EYS: variants seen among roughly 807,000 people sequenced by gnomAD.
EYS encodes protein eyes shut homolog.
EYS carries 250 observed loss-of-function variants against 282.1 expected under a neutral mutation model. That is an observed-to-expected ratio of 0.89 (90% CI 0.80 to 0.98). EYS has a LOEUF of 0.98. Ranked by LOEUF, EYS falls within the 50% of genes least tolerant of loss-of-function variation. The pLI is 0.00. For synonymous variants in EYS, 1,355 were observed against 1,282.9 expected, an observed-to-expected ratio of 1.06 and a Z score of -1.20; for missense variants, 4,016 against 3,709.0, an observed-to-expected ratio of 1.08 and a Z score of -2.15.
At chr6:65,675,683 G>C (rs1483961057) in intron 1 of EYS, among the ~76,000 whole-genome samples, 1 of 151,750 alleles carries the variant, frequency 6.6e-6, no homozygotes, top group African/African-American at 2.4e-5. Flanking sequence ...TTTAATTATG[G>C]ATAGAAAACC....
chr6:64,400,761 G>A (rs1023661516), intron 28 of EYS, among the ~76,000 whole-genome samples: 3 of 152,026 alleles, frequency 2.0e-5, no homozygotes, highest in East Asian at 1.9e-4. Flanking sequence ...GTGCTTTAAA[G>A]GTCAAATGAG....
chr6:64,540,090 C>G (rs531743891), intron 26 of EYS, among the ~76,000 whole-genome samples: 1 of 152,156 alleles, frequency 6.6e-6, no homozygotes, highest in Non-Finnish European at 1.5e-5. Flanking sequence ...AATGATTTTC[C>G]GGAGTCTGAG....
intron 19 of EYS, among the ~76,000 whole-genome samples, chr6:64,833,773 C>A (rs558366182): frequency 1.3e-5 from 2 of 151,704 alleles, no homozygotes; most frequent in African/African-American, 4.8e-5. Flanking sequence ...GCACTGAAAT[C>A]TTTCTTTTAT....
chr6:65,704,401 G>T (rs1769797482), intron 1 of EYS, among the ~76,000 whole-genome samples: 1 of 152,198 alleles, frequency 6.6e-6, no homozygotes, highest in South Asian at 2.1e-4. Flanking sequence ...TGACTTCAGA[G>T]CCCATGCTCG....
intron 33 of EYS, among the ~76,000 whole-genome samples, chr6:64,033,828 C>CTATATATATATATATATA (rs1491226014): frequency 4.7e-4 from 28 of 59,192 alleles, no homozygotes; most frequent in Middle Eastern, 8.9e-3. Flanking sequence ...AATGAGATTA[C>CTATATATATATATATATA]TCTCTCTCTC....
intron 31 of EYS, among the ~76,000 whole-genome samples, chr6:64,096,752 C>A (rs141002497): frequency 3.3e-5 from 5 of 152,188 alleles, no homozygotes; most frequent in Non-Finnish European, 5.9e-5. Flanking sequence ...TCTCTCAATT[C>A]GTCAAAGTCA....
In EYS at chr6:65,401,835, C is replaced by T. The variant is rs189672084; in HGVS notation, c.1184+643G>A. 1.2e-4 allele frequency among the ~76,000 whole-genome samples: 18 copies of T among 151,922 alleles called. No individual in the cohort carries two copies. In the East Asian group the frequency reaches 2.7e-3, roughly 23 times the overall value. The stretch of plus-strand genomic sequence containing the variant: ...CTTACTGCTTTTCAATAATGCCCAA[C>T]AGAATTTACTTGAAGCAGTCAGATA... On this transcript the variant is annotated intron_variant, in intron 7 of 42. Coordinates refer to ENST00000503581, the MANE Select transcript of EYS (RefSeq NM_001142800.2).
chr6:64,552,117 A>G (rs1765103396), intron 26 of EYS, among the ~76,000 whole-genome samples: 2 of 152,154 alleles, frequency 1.3e-5, no homozygotes, highest in South Asian at 4.1e-4. Flanking sequence ...AGTTCAGGCC[A>G]TGATAGGAAT....
intron 41 of EYS, among the ~76,000 whole-genome samples, chr6:63,758,671 C>A (rs1242469568): frequency 6.6e-6 from 1 of 152,042 alleles, no homozygotes; most frequent in African/African-American, 2.4e-5. Flanking sequence ...AGAAGGCTCG[C>A]TTTTCTATTT....
At chr6:64,992,149 A>G (rs1339960632) in intron 14 of EYS, among the ~76,000 whole-genome samples, 2 of 151,930 alleles carry the variant, frequency 1.3e-5, no homozygotes, top group African/African-American at 4.8e-5. Flanking sequence ...AAACTGATAA[A>G]CAAATTAAAA....
intron 26 of EYS, among the ~76,000 whole-genome samples, chr6:64,505,946 C>T (rs551409185): frequency 6.6e-6 from 1 of 152,194 alleles, no homozygotes; most frequent in Admixed American, 6.5e-5. Flanking sequence ...TATGCAGGAG[C>T]CTACGGCAGG....
At chr6:64,354,818 TTAATTA>T (rs764439457) in intron 29 of EYS, among the ~76,000 whole-genome samples, 1 of 151,362 alleles carries the variant, frequency 6.6e-6, no homozygotes, top group Non-Finnish European at 1.5e-5. Flanking sequence ...AATGCAATGC[TTAATTA>T]TAATTATGTG....
chr6:64,693,733 G>T (rs964245886), intron 22 of EYS, among the ~76,000 whole-genome samples: 4 of 151,968 alleles, frequency 2.6e-5, no homozygotes, highest in Admixed American at 2.6e-4. Context: ...GTCACAAATA[G>T]CGTAGCCATT....
intron 29 of EYS, among the ~76,000 whole-genome samples, chr6:64,310,070 A>AC (rs1484397445): frequency 8.4e-6 from 1 of 118,780 alleles, no homozygotes; most frequent in Non-Finnish European, 1.8e-5. Context: ...TAAAAAAAAT[A>AC]AAAAAAAAAA....
chr6:65,073,398 C>A (rs978574687), intron 12 of EYS, among the ~76,000 whole-genome samples: 11 of 151,540 alleles, frequency 7.3e-5, no homozygotes, highest in Admixed American at 6.6e-4. Flanking sequence ...TTTCCATTAG[C>A]CCTCTCTGAA....
chr6:64,925,557 T>A (rs1272234126), intron 15 of EYS, among the ~76,000 whole-genome samples: 1 of 152,122 alleles, frequency 6.6e-6, no homozygotes, highest in Non-Finnish European at 1.5e-5. Flanking sequence ...CCTTCCCAAA[T>A]GCTGTGTACT....
At chr6:64,526,914 G>C (rs1006064430) in intron 26 of EYS, among the ~76,000 whole-genome samples, 2 of 151,694 alleles carry the variant, frequency 1.3e-5, no homozygotes, top group African/African-American at 4.8e-5. Flanking sequence ...GTTGACTTAC[G>C]TACTGTTAAA....
chr6:64,544,258 T>C (rs1345603579), intron 26 of EYS, among the ~76,000 whole-genome samples: 1 of 152,144 alleles, frequency 6.6e-6, no homozygotes, highest in South Asian at 2.1e-4. Context: ...TTGACAGAAA[T>C]AGCTATAATA....
chr6:64,200,658 G>T (rs954818659), intron 31 of EYS, among the ~76,000 whole-genome samples: 3 of 152,112 alleles, frequency 2.0e-5, no homozygotes, highest in Non-Finnish European at 4.4e-5. Context: ...GAACAGGAGA[G>T]AAGCAGAAAA....
Sources: allele counts gnomAD v4.1 joint callset (sites outside exome capture counted in the v4.1 genomes callset), GRCh38; gene constraint gnomAD v4.1.1; transcripts MANE v1.5; gene names NCBI Gene and HGNC (gene_info 2026-07-23, HGNC 2026-07-21).